Variants in SPATA20 observed in about 807,000 individuals in gnomAD.
SPATA20 encodes spermatogenesis-associated protein 20.
Under a neutral mutation model 98.9 loss-of-function variants are expected in SPATA20, and 74 were observed. The observed-to-expected ratio is 0.75, with a 90% CI of 0.62 to 0.91. The LOEUF is 0.91. Among genes scored for constraint, SPATA20 ranks in the 40% least tolerant of loss-of-function variants. The pLI is 0.00. For missense variants in SPATA20, 1,016 were observed against 1,069.8 expected (o/e 0.95, Z 0.70); for synonymous variants, 430 against 440.5 (o/e 0.98, Z 0.30).
In SPATA20 at chr17:50,549,108, C is replaced by T. The variant is rs370849887; in HGVS notation, c.582C>T (p.Val194=). The T allele has an allele frequency of 1.1e-5, 18 of 1,613,132 alleles. No individual in the cohort carries two copies. The highest frequency in any genetic ancestry group is 1.6e-4 in the Middle Eastern group (1 of 6,084). ...TGACTCCCAACCTCCAGCCCTTTGT[C>T]GGGGGCACCTATTTCCCTCCTGAGG... ...VWLTPNLQPF[V]GGTYFPPEDG... is the part of the protein sequence containing the mutation. The change falls in exon 6 of 17, where the codon GTC becomes GTT. Residue 194 remains valine, a synonymous_variant. Transcript: ENST00000006658.
At chr17:50,551,772 C>A (rs1400819299) in intron 13 of SPATA20, 93 bp downstream of exon 13, 7 of 1,406,774 alleles carry the variant, frequency 5.0e-6, no homozygotes, top group Non-Finnish European at 6.7e-6. Flanking sequence ...GACTCCAGTC[C>A]TGGCTCTGCC....
rs777898429 is a variant in SPATA20, at chr17:50,551,212, C to T, written c.1576+22C>T. On this transcript the variant is annotated intron_variant, in intron 12 of 16. Coordinates refer to ENST00000006658, the MANE Select transcript of SPATA20 (RefSeq NM_022827.4). ...AATGGTGGGGCAGCACACCTGAGACCGAGCCTGTCTGTAGGATCCCCCTTC... is the reference window on the plus strand; with the variant it reads ...AATGGTGGGGCAGCACACCTGAGACTGAGCCTGTCTGTAGGATCCCCCTTC... The T allele has an allele frequency of 2.4e-5, 38 of 1,590,032 alleles. 1 individual carries two copies. The highest frequency in any genetic ancestry group is 1.6e-4 in the African/African-American group (12 of 74,388).
chr17:50,549,061 G>T lies in SPATA20; in HGVS notation c.535G>T (p.Gly179Cys). The T allele has an allele frequency of 6.2e-7, 1 of 1,613,672 alleles. No homozygotes were observed. The highest frequency in any genetic ancestry group is 8.5e-7 in the Non-Finnish European group (1 of 1,179,972). The change falls in exon 6 of 17, where the codon GGC becomes TGC. Residue 179 changes from glycine to cysteine, a missense_variant. Physicochemically the swap from Gly to Cys is radical, Grantham distance 159. Transcript: ENST00000006658. The stretch of plus-strand genomic sequence containing the variant: ...CCGCCAGGCCACCAGCAGCGGCGGG[G>T]GCTGGCCCATGAATGTGTGGCTGAC... ...TFVQATSSGG[G>C]WPMNVWLTPN...
intron 2 of SPATA20, 165 bp from the exon 3 acceptor site, chr17:50,548,118 A>G: frequency 1.3e-6 from 2 of 1,502,686 alleles, no homozygotes; most frequent in East Asian, 2.5e-5. Flanking sequence ...CAAAAAACAT[A>G]AGGGGGAGCA....
In SPATA20 at chr17:50,549,075, T is replaced by C. The variant is rs2034964687; in HGVS notation, c.549T>C (p.Asn183=). 2 of 1,613,452 alleles carry C rather than the reference T, an allele frequency of 1.2e-6. No individual in the cohort carries two copies. Among genetic ancestry groups the C allele is most frequent in the Non-Finnish European group, 1.7e-6 (2 of 1,179,982 alleles). ...ATSSGGGWPM[N]VWLTPNLQPF... The stretch of plus-strand genomic sequence containing the variant: ...GCAGCGGCGGGGGCTGGCCCATGAA[T>C]GTGTGGCTGACTCCCAACCTCCAGC... The change falls in exon 6 of 17, where the codon AAT becomes AAC. Residue 183 remains asparagine, a synonymous_variant. Coordinates refer to ENST00000006658, the MANE Select transcript of SPATA20 (RefSeq NM_022827.4).
Position 50,548,627 on chromosome 17 carries a change from C to G in SPATA20, c.361+9C>G, listed in dbSNP as rs887143969. ...GCCGATTTTCCTCTCAGGTAATGCT[C>G]CCACCTTCCCTGATGTGGGGGTGTG... On this transcript the variant is annotated intron_variant, in intron 4 of 16. Coordinates refer to ENST00000006658, the MANE Select transcript of SPATA20 (RefSeq NM_022827.4). The G allele has an allele frequency of 4.3e-6, 7 of 1,612,036 alleles. No individual in the cohort carries two copies. The highest frequency in any genetic ancestry group is 3.3e-5 in the Admixed American group (2 of 59,920).
intron 9 of SPATA20, 53 bp from the exon 10 acceptor site, chr17:50,550,483 T>G: frequency 2.6e-6 from 4 of 1,555,618 alleles, no homozygotes; most frequent in Non-Finnish European, 3.5e-6. Flanking sequence ...ACCTTCCACC[T>G]GGGCCTCCCC....
Position 50,548,272 on chromosome 17 carries a change from G to T in SPATA20, c.126-11G>T. 6.2e-7 allele frequency: 1 copy of T among 1,612,186 alleles called. No individual in the cohort carries two copies. The highest frequency in any genetic ancestry group is 8.5e-7 in the Non-Finnish European group (1 of 1,179,386). On this transcript the variant is annotated splice_polypyrimidine_tract_variant and intron_variant, in intron 2 of 16. Coordinates refer to ENST00000006658, the MANE Select transcript of SPATA20 (RefSeq NM_022827.4). Reference sequence around the variant, plus strand: ...GGCCCCTGGCTTGCCTGATGCACCAGTCCTCGCCAGGGGTAGCTCCTCCCG... The same window carrying T: ...GGCCCCTGGCTTGCCTGATGCACCATTCCTCGCCAGGGGTAGCTCCTCCCG...
Position 50,549,439 on chromosome 17 carries a change from G to A in SPATA20, c.814G>A (p.Asp272Asn), listed in dbSNP as rs1265991207. ...RCFQQLDEGYDEEYGGFAEAP... is the reference protein window; with the variant it reads ...RCFQQLDEGYNEEYGGFAEAP... ...CTTCCAGCAGCTGGATGAGGGCTAT[G>A]ATGAGGAATACGGTGGCTTCGCTGA... Residue 272 changes from aspartate (D) to asparagine (N), a missense_variant, in exon 7 of 17, where the codon GAT becomes AAT. Transcript: ENST00000006658. 1 of 1,612,650 alleles carries A rather than the reference G, an allele frequency of 6.2e-7. No individual in the cohort carries two copies.
At position 50,549,966 on chromosome 17, in the gene SPATA20, G is replaced by C; in HGVS notation, c.863-19G>C. On this transcript the variant is annotated intron_variant, in intron 7 of 16. Transcript: ENST00000006658. ...CACTTTCCCATTCTCTCACCTGCAT[G>C]TTCTTGGTGCCCCCACAGTGATCCT... 6.5e-7 allele frequency: 1 copy of C among 1,527,930 alleles called. No homozygotes were observed. The highest frequency in any genetic ancestry group is 8.8e-7 in the Non-Finnish European group (1 of 1,133,480). 94.6% of individuals were successfully genotyped at this position (1,527,930 alleles called of 1,614,324 possible). A position where few individuals can be genotyped will look rare whatever the true frequency, so the allele number is the denominator to read the frequency against.
In SPATA20 at chr17:50,555,757, C is replaced by A. The variant is rs1210064234; in HGVS notation, c.*95C>A. On this transcript the variant is annotated 3_prime_UTR_variant, in exon 17 of 17. Coordinates refer to ENST00000006658, the MANE Select transcript of SPATA20 (RefSeq NM_022827.4). ...GGGCCCTATAGAACCTGTGGCCATC[C>A]CTGAGCACCCTGCCACCAGGTGACC... is the stretch of plus-strand genomic sequence containing the variant. 2 of 1,105,996 alleles carry A rather than the reference C, an allele frequency of 1.8e-6. No homozygotes were observed. The highest frequency in any genetic ancestry group is 1.6e-5 in the African/African-American group (1 of 63,536). The allele number at this position is 1,105,996 out of a possible 1,614,324, so 68.5% of individuals were successfully genotyped here.
intron 16 of SPATA20, 41 bp downstream of exon 16, chr17:50,555,353 C>T (rs745741759): frequency 6.3e-7 from 1 of 1,598,766 alleles, no homozygotes; most frequent in East Asian, 2.2e-5. Context: ...CTCCCCAGAG[C>T]TGCCCCCTCC....
intron 14 of SPATA20, among the ~76,000 whole-genome samples, chr17:50,552,404 G>C (rs1179119469): frequency 6.6e-6 from 1 of 152,080 alleles, no homozygotes; most frequent in Non-Finnish European, 1.5e-5. Context: ...GGGCTCAAGT[G>C]ATCCTCCCAC....
Position 50,555,762 on chromosome 17 carries a change from GCAC to G in SPATA20, c.*102_*104del, listed in dbSNP as rs1192059661. ...CTATAGAACCTGTGGCCATCCCTGA[GCAC>G]CCTGCCACCAGGTGACCTCGGCCAT... On this transcript the variant is annotated 3_prime_UTR_variant, in exon 17 of 17. Transcript: ENST00000006658. 9 of 1,088,314 alleles carry G rather than the reference GCAC, an allele frequency of 8.3e-6. No homozygotes were observed. Among genetic ancestry groups the G allele is most frequent in the Non-Finnish European group, 1.0e-5 (8 of 769,032 alleles). The allele number at this position is 1,088,314 out of a possible 1,614,324, so 67.4% of individuals were successfully genotyped here.
Position 50,550,911 on chromosome 17 carries a change from C to A in SPATA20, c.1377C>A (p.Pro459=). 6.2e-7 allele frequency: 1 copy of A among 1,613,008 alleles called. No homozygotes were observed. Among genetic ancestry groups the A allele is most frequent in the Non-Finnish European group, 8.5e-7 (1 of 1,179,980 alleles). ...TCACAGAGGCTGGTAACATCAGCCCCAGTCAGGTGAGGACTTCTGGGGTCA... is the reference window on the plus strand; with the variant it reads ...TCACAGAGGCTGGTAACATCAGCCCAAGTCAGGTGAGGACTTCTGGGGTCA... ...YGLTEAGNIS[P]SQDPKGELQG... Residue 459 remains proline, a synonymous_variant, in exon 11 of 17, where the codon CCC becomes CCA. Coordinates refer to ENST00000006658, the MANE Select transcript of SPATA20 (RefSeq NM_022827.4).
intron 13 of SPATA20, 118 bp from the exon 14 acceptor site, chr17:50,551,851 C>A: frequency 8.3e-7 from 1 of 1,212,086 alleles, no homozygotes; most frequent in Non-Finnish European, 1.1e-6. Context: ...CTGATGGCAC[C>A]TGCCCAAGAG....
chr17:50,555,119 G>C lies in SPATA20; in HGVS notation c.2158-113G>C, dbSNP rs1172707634. On this transcript the variant is annotated intron_variant, in intron 15 of 16. Coordinates refer to ENST00000006658, the MANE Select transcript of SPATA20 (RefSeq NM_022827.4). Reference sequence around the variant, plus strand: ...ATCCTGGCAGCTGAGATGAGTCCCTGTTCCTTCTTAGAGATATACGGTGGG... The same window carrying C: ...ATCCTGGCAGCTGAGATGAGTCCCTCTTCCTTCTTAGAGATATACGGTGGG... The C allele has an allele frequency of 1.7e-5, 14 of 801,108 alleles. No homozygotes were observed. The East Asian group carries it at 1.9e-4, about 11-fold the overall frequency. 49.6% of individuals were successfully genotyped at this position (801,108 alleles called of 1,614,324 possible).
At position 50,549,260 on chromosome 17, in the gene SPATA20, T is replaced by G. The variant is rs756480265; in HGVS notation, c.661-26T>G. 8.7e-6 allele frequency: 14 copies of G among 1,604,544 alleles called. No homozygotes were observed. In the African/African-American group the frequency reaches 1.3e-4, roughly 15 times the overall value. ...CAAGAGCCCCTCCCCCTAGCTGACC[T>G]CCAGGTGTGCCCCCACCTCCCGCAG... On this transcript the variant is annotated intron_variant, in intron 6 of 16. Coordinates refer to ENST00000006658, the MANE Select transcript of SPATA20 (RefSeq NM_022827.4).
chr17:50,549,060 G>A lies in SPATA20; in HGVS notation c.534G>A (p.Gly178=), dbSNP rs376965141. 1 of 1,613,638 alleles carries A rather than the reference G, an allele frequency of 6.2e-7. No individual in the cohort carries two copies. The highest frequency in any genetic ancestry group is 1.1e-5 in the South Asian group (1 of 91,074). ...MTFVQATSSG[G]GWPMNVWLTP... ...TCCGCCAGGCCACCAGCAGCGGCGG[G>A]GGCTGGCCCATGAATGTGTGGCTGA... The change falls in exon 6 of 17, where the codon GGG becomes GGA. Residue 178 remains glycine, a synonymous_variant. Coordinates refer to ENST00000006658, the MANE Select transcript of SPATA20 (RefSeq NM_022827.4).
Sources: gnomAD v4.1 joint callset for allele counts (sites outside exome capture counted in the v4.1 genomes callset) on GRCh38, gnomAD v4.1.1 for gene constraint, MANE v1.5 for transcripts, NCBI Gene and HGNC (gene_info 2026-07-23, HGNC 2026-07-21) for gene names.